The following PTPRN2 variants were observed in gnomAD, a reference collection of about 807,000 sequenced individuals.
PTPRN2 encodes protein tyrosine phosphatase receptor type N2.
In PTPRN2, 74 loss-of-function variants were observed where a neutral mutation model predicts 118.8. The observed-to-expected ratio is 0.62, with a 90% CI of 0.52 to 0.76. The LOEUF (loss-of-function observed/expected upper bound fraction) is 0.76. PTPRN2 is among the 30% of genes least tolerant of loss of function. The pLI is 0.00. For synonymous variants in PTPRN2, 641 were observed against 608.0 expected, an observed-to-expected ratio of 1.05 and a Z score of -0.80; for missense variants, 1,481 against 1,394.4, an observed-to-expected ratio of 1.06 and a Z score of -0.99.
At chr7:157,626,015 C>T (rs371963123) in intron 14 of PTPRN2, among the ~76,000 whole-genome samples, 3 of 152,272 alleles carry the variant, frequency 2.0e-5, no homozygotes, top group African/African-American at 7.2e-5. Flanking sequence ...CAATTTACTG[C>T]TTTAAAGTGA....
intron 2 of PTPRN2, among the ~76,000 whole-genome samples, chr7:158,357,000 C>T (rs1431165097): frequency 6.6e-6 from 1 of 152,144 alleles, no homozygotes; most frequent in Non-Finnish European, 1.5e-5. Context: ...CGTCTGGCTA[C>T]CAGGCCTCTC....
chr7:158,586,656 C>T (rs968056351), intron 1 of PTPRN2, among the ~76,000 whole-genome samples: 3 of 152,216 alleles, frequency 2.0e-5, no homozygotes, highest in African/African-American at 4.8e-5. Context: ...GGGAAAGCAG[C>T]GGCTTCCACT....
intron 1 of PTPRN2, among the ~76,000 whole-genome samples, chr7:158,511,925 G>T (rs994473645): frequency 1.1e-4 from 16 of 152,128 alleles, no homozygotes; most frequent in African/African-American, 2.9e-4. Flanking sequence ...TGAAATAGAT[G>T]ATTTTTTTAG....
At chr7:158,413,157 C>T (rs1814341153) in intron 2 of PTPRN2, among the ~76,000 whole-genome samples, 1 of 152,240 alleles carries the variant, frequency 6.6e-6, no homozygotes, top group Non-Finnish European at 1.5e-5. Context: ...AACATGGCTC[C>T]CTTCCCTCTC....
chr7:157,811,326 A>C, intron 12 of PTPRN2, among the ~76,000 whole-genome samples: 2 of 89,920 alleles, frequency 2.2e-5, no homozygotes, highest in African/African-American at 4.8e-5. Context: ...TTTGTAATCT[A>C]CTCTATTATA....
chr7:158,103,250 G>A (rs1313268843), intron 10 of PTPRN2, among the ~76,000 whole-genome samples: 1 of 152,220 alleles, frequency 6.6e-6, no homozygotes, highest in Non-Finnish European at 1.5e-5. Context: ...GGGCCATAGG[G>A]AGGGATAGTG....
At chr7:158,148,485 T>C (rs1292485682) in intron 6 of PTPRN2, among the ~76,000 whole-genome samples, 4 of 127,916 alleles carry the variant, frequency 3.1e-5, no homozygotes, top group East Asian at 2.4e-4. Flanking sequence ...TGACACCCCA[T>C]CTCACGCCAC....
At chr7:158,233,178 A>G (rs1340001335) in intron 3 of PTPRN2, among the ~76,000 whole-genome samples, 2 of 152,198 alleles carry the variant, frequency 1.3e-5, no homozygotes, top group African/African-American at 4.8e-5. Context: ...TTTATAAAAC[A>G]CCAAAGACTT....
At chr7:158,400,376 C>T (rs1379479441) in intron 2 of PTPRN2, among the ~76,000 whole-genome samples, 1 of 152,090 alleles carries the variant, frequency 6.6e-6, no homozygotes, top group East Asian at 1.9e-4. Context: ...TTTTGTTTTG[C>T]TTTATTGCTC....
intron 14 of PTPRN2, among the ~76,000 whole-genome samples, chr7:157,631,030 A>G (rs1350821760): frequency 1.3e-5 from 2 of 152,168 alleles, no homozygotes; most frequent in African/African-American, 2.4e-5. Flanking sequence ...ATTTATTCCA[A>G]GCTCTTTCTC....
At chr7:158,467,698 G>C (rs1486129719) in intron 2 of PTPRN2, among the ~76,000 whole-genome samples, 1 of 152,114 alleles carries the variant, frequency 6.6e-6, no homozygotes, top group Admixed American at 6.6e-5. Flanking sequence ...TTAAAGAGAC[G>C]GCTCTTACCC....
chr7:157,723,739 A>G (rs2150920710), intron 12 of PTPRN2, among the ~76,000 whole-genome samples: 1 of 152,326 alleles, frequency 6.6e-6, no homozygotes, highest in South Asian at 2.1e-4. Flanking sequence ...ATGGAGTCTG[A>G]TGAAAGGCAA....
At chr7:157,783,862 G>A (rs374494724) in intron 12 of PTPRN2, among the ~76,000 whole-genome samples, 52 of 152,152 alleles carry the variant, frequency 3.4e-4, no homozygotes, top group East Asian at 1.6e-3. Flanking sequence ...ACACTGCCCT[G>A]TTTTCATTCA....
At chr7:158,198,974 T>C (rs1826423508) in intron 4 of PTPRN2, among the ~76,000 whole-genome samples, 1 of 150,722 alleles carries the variant, frequency 6.6e-6, no homozygotes, top group African/African-American at 2.4e-5. Context: ...CTTAGCATGT[T>C]CTTCTCAGGT....
intron 10 of PTPRN2, among the ~76,000 whole-genome samples, chr7:158,092,523 T>C (rs1814278561): frequency 6.6e-6 from 1 of 152,194 alleles, no homozygotes; most frequent in South Asian, 2.1e-4. Flanking sequence ...AATTCAAACA[T>C]AATTAGACAC....
intron 1 of PTPRN2, among the ~76,000 whole-genome samples, chr7:158,532,426 C>T (rs117127872): frequency 3.4e-3 from 520 of 152,248 alleles, no homozygotes; most frequent in Non-Finnish European, 6.1e-3. Context: ...ATTCCAGTCA[C>T]GTGCCCCACA....
intron 21 of PTPRN2, among the ~76,000 whole-genome samples, chr7:157,568,540 G>A (rs969335212): frequency 7.2e-5 from 11 of 152,226 alleles, no homozygotes; most frequent in African/African-American, 2.4e-4. Flanking sequence ...CAACACTGAA[G>A]GACCCGAGGG....
At chr7:157,793,734 T>A (rs1053084575) in intron 12 of PTPRN2, among the ~76,000 whole-genome samples, 4 of 152,122 alleles carry the variant, frequency 2.6e-5, no homozygotes, top group Non-Finnish European at 5.9e-5. Flanking sequence ...CACGTATAGA[T>A]CCACTGGAGG....
intron 2 of PTPRN2, among the ~76,000 whole-genome samples, chr7:158,396,504 G>C (rs920543295): frequency 6.6e-6 from 1 of 151,798 alleles, no homozygotes; most frequent in Non-Finnish European, 1.5e-5. Flanking sequence ...CATGTGGAGG[G>C]AGCGAGCTGC....
Sources: gnomAD v4.1 joint callset for allele counts (sites outside exome capture counted in the v4.1 genomes callset) on GRCh38, gnomAD v4.1.1 for gene constraint, MANE v1.5 for transcripts, NCBI Gene and HGNC (gene_info 2026-07-23, HGNC 2026-07-21) for gene names.